TMEM260: variants seen among roughly 807,000 people sequenced by gnomAD.
The protein encoded by TMEM260 is transmembrane protein 260.
A neutral mutation model predicts 88.9 loss-of-function variants in TMEM260; 82 were observed. That is an observed-to-expected ratio of 0.92 (90% CI 0.77 to 1.11). The LOEUF (loss-of-function observed/expected upper bound fraction) is 1.11. Among genes scored for constraint, TMEM260 ranks in the 50% least tolerant of loss-of-function variants. The pLI is 0.00. For missense variants in TMEM260, 902 were observed against 853.4 expected (o/e 1.06, Z -0.71); for synonymous variants, 314 against 309.3 (o/e 1.02, Z -0.16).
chr14:56,608,134 TA>T (rs1261330400), intron 5 of TMEM260, among the ~76,000 whole-genome samples: 1 of 152,222 alleles, frequency 6.6e-6, no homozygotes, highest in Non-Finnish European at 1.5e-5. Context: ...AGTACTGTAA[TA>T]AAACACTTCA....
At chr14:56,618,507 A>C (rs1887718720) in intron 9 of TMEM260, 87 bp from the exon 10 acceptor site, 9 of 1,234,998 alleles carry the variant, frequency 7.3e-6, no homozygotes, top group Non-Finnish European at 1.0e-5. Flanking sequence ...AACTAGGTGC[A>C]TGCAGCATAT....
intron 15 of TMEM260, among the ~76,000 whole-genome samples, chr14:56,644,734 A>C (rs1027076625): frequency 6.6e-6 from 1 of 152,196 alleles, no homozygotes; most frequent in Admixed American, 6.5e-5. Context: ...AATGGGAGAA[A>C]ATTTTTGCAA....
intron 5 of TMEM260, among the ~76,000 whole-genome samples, chr14:56,608,872 T>C (rs1887074390): frequency 6.6e-6 from 1 of 152,202 alleles, no homozygotes. Context: ...TTTGCTAATA[T>C]TATTTGCTTC....
chr14:56,637,792 C>G (rs1423500157), intron 15 of TMEM260, among the ~76,000 whole-genome samples: 1 of 152,204 alleles, frequency 6.6e-6, no homozygotes, highest in Admixed American at 6.5e-5. Flanking sequence ...CATTCACTCA[C>G]AAAGCATTTC....
intron 3 of TMEM260, among the ~76,000 whole-genome samples, chr14:56,588,882 T>C (rs547781689): frequency 6.6e-6 from 1 of 152,128 alleles, no homozygotes; most frequent in African/African-American, 2.4e-5. Flanking sequence ...TTTTCTTTTT[T>C]AAGGCTATTA....
At chr14:56,598,547 A>G (rs1271025374) in intron 3 of TMEM260, among the ~76,000 whole-genome samples, 2 of 152,186 alleles carry the variant, frequency 1.3e-5, no homozygotes, top group Non-Finnish European at 2.9e-5. Context: ...GTAGTCATTT[A>G]TCTTTGTCTC....
At position 56,612,231 on chromosome 14, in the gene TMEM260, T is replaced by C. The variant is rs774968280; in HGVS notation, c.817-14T>C. ...TAATGCTTGTGCAGATAAACTTTTG[T>C]CTTTTGTGTTTAGGCCAAATCTGAA... On this transcript the variant is annotated splice_polypyrimidine_tract_variant and intron_variant, in intron 6 of 15. Transcript: ENST00000261556. The C allele has an allele frequency of 1.1e-5, 18 of 1,610,978 alleles. No homozygotes were observed. The highest frequency in any genetic ancestry group is 5.3e-5 in the African/African-American group (4 of 74,884).
At chr14:56,638,792 G>C (rs1348688293) in intron 15 of TMEM260, among the ~76,000 whole-genome samples, 2 of 152,034 alleles carry the variant, frequency 1.3e-5, no homozygotes, top group African/African-American at 4.8e-5. Context: ...TGACATCAGG[G>C]AGCAGGGCAG....
chr14:56,646,187 T>C (rs1368386485), intron 15 of TMEM260, among the ~76,000 whole-genome samples: 2 of 152,084 alleles, frequency 1.3e-5, no homozygotes, highest in Non-Finnish European at 2.9e-5. Context: ...TGAAACAATA[T>C]ATCAAACATG....
chr14:56,588,633 A>G (rs1885660716), intron 3 of TMEM260, among the ~76,000 whole-genome samples: 1 of 152,072 alleles, frequency 6.6e-6, no homozygotes, highest in Admixed American at 6.5e-5. Context: ...GCATATGAGT[A>G]AAACAGCACA....
intron 15 of TMEM260, among the ~76,000 whole-genome samples, chr14:56,642,190 A>G (rs576367170): frequency 2.6e-5 from 4 of 152,196 alleles, no homozygotes; most frequent in Non-Finnish European, 5.9e-5. Context: ...TCCACCCCAA[A>G]TCAACAGAAT....
intron 6 of TMEM260, 48 bp downstream of exon 6, chr14:56,609,333 C>G (rs1475917581): frequency 6.5e-7 from 1 of 1,542,506 alleles, no homozygotes; most frequent in African/African-American, 1.4e-5. Flanking sequence ...GGCAAAACTT[C>G]AGTGCTCTGC....
intron 4 of TMEM260, among the ~76,000 whole-genome samples, chr14:56,604,918 G>A (rs1342631713): frequency 6.6e-6 from 1 of 152,152 alleles, no homozygotes; most frequent in Non-Finnish European, 1.5e-5. Context: ...AGCAAGCCAG[G>A]GTGATCAGAC....
chr14:56,600,804 A>G (rs1401157154), intron 3 of TMEM260, among the ~76,000 whole-genome samples: 1 of 152,242 alleles, frequency 6.6e-6, no homozygotes, highest in African/African-American at 2.4e-5. Flanking sequence ...CTGTAGACTT[A>G]GTTTGATTTC....
intron 15 of TMEM260, among the ~76,000 whole-genome samples, chr14:56,638,560 G>T (rs1251322796): frequency 6.6e-6 from 1 of 151,602 alleles, no homozygotes; most frequent in Non-Finnish European, 1.5e-5. Flanking sequence ...AGAGAGCTCT[G>T]TTTTTTTTCA....
Position 56,601,865 on chromosome 14 carries a change from CACTT to C in TMEM260, c.345-1941_345-1938del, listed in dbSNP as rs1421499276. ...TGTCATGCCCCCATCATTCTTTGAG[CACTT>C]ACTTACTTTCTGGCACAAGATGTTT... On this transcript the variant is annotated intron_variant, in intron 3 of 15. Coordinates refer to ENST00000261556, the MANE Select transcript of TMEM260 (RefSeq NM_017799.4). 6.6e-5 allele frequency among the ~76,000 whole-genome samples: 10 copies of C among 152,216 alleles called. No homozygotes were observed. In the East Asian group the frequency reaches 1.4e-3, roughly 21 times the overall value.
intron 11 of TMEM260, among the ~76,000 whole-genome samples, chr14:56,622,107 G>A (rs1056603112): frequency 3.3e-5 from 5 of 152,096 alleles, no homozygotes; most frequent in Non-Finnish European, 7.4e-5. Context: ...ACTTTGGGAG[G>A]CTGAGGCTGG....
chr14:56,625,830 T>C (rs928870075), intron 12 of TMEM260, among the ~76,000 whole-genome samples: 3 of 152,208 alleles, frequency 2.0e-5, no homozygotes, highest in African/African-American at 7.2e-5. Flanking sequence ...TGCAGGTGGA[T>C]GGCAAGCAAT....
chr14:56,592,295 G>A (rs1191570863), intron 3 of TMEM260, among the ~76,000 whole-genome samples: 1 of 152,116 alleles, frequency 6.6e-6, no homozygotes, highest in Non-Finnish European at 1.5e-5. Context: ...CTTCACAGAT[G>A]TACCTTTTAT....
Sources: allele counts gnomAD v4.1 joint callset (sites outside exome capture counted in the v4.1 genomes callset), GRCh38; gene constraint gnomAD v4.1.1; transcripts MANE v1.5; gene names NCBI Gene and HGNC (gene_info 2026-07-23, HGNC 2026-07-21).